Variants in CPA6 observed in about 807,000 individuals in gnomAD.
CPA6 encodes the protein carboxypeptidase B.
Under a neutral mutation model 63.3 loss-of-function variants are expected in CPA6, and 58 were observed. That is an observed-to-expected ratio of 0.92 (90% CI 0.74 to 1.14). The LOEUF (loss-of-function observed/expected upper bound fraction) is 1.14. CPA6 is among the 50% of genes most tolerant of loss of function. The pLI is 0.00. For missense variants in CPA6, 565 were observed against 526.6 expected (o/e 1.07, Z -0.71); for synonymous variants, 185 against 179.0 (o/e 1.03, Z -0.27).
chr8:67,619,797 A>G (rs573059178), intron 2 of CPA6, among the ~76,000 whole-genome samples: 1 of 152,264 alleles, frequency 6.6e-6, no homozygotes, highest in Non-Finnish European at 1.5e-5. Context: ...TCACTTCTCA[A>G]TCAATCTGTG....
intron 8 of CPA6, among the ~76,000 whole-genome samples, chr8:67,468,898 T>G (rs949089453): frequency 6.6e-6 from 1 of 152,188 alleles, no homozygotes; most frequent in Non-Finnish European, 1.5e-5. Flanking sequence ...ACATGCCACA[T>G]ATTTTCTTCA....
intron 6 of CPA6, among the ~76,000 whole-genome samples, chr8:67,489,765 G>A (rs907515799): frequency 1.3e-5 from 2 of 152,062 alleles, no homozygotes; most frequent in African/African-American, 4.8e-5. Flanking sequence ...TTTAACCACT[G>A]AGAATTGTGT....
chr8:67,502,876 G>A (rs1484560666), intron 6 of CPA6, among the ~76,000 whole-genome samples: 1 of 152,074 alleles, frequency 6.6e-6, no homozygotes, highest in African/African-American at 2.4e-5. Flanking sequence ...ACTTGTTGAG[G>A]TCTATGTTTT....
intron 1 of CPA6, among the ~76,000 whole-genome samples, chr8:67,686,455 G>A (rs762071487): frequency 6.6e-6 from 1 of 152,078 alleles, no homozygotes; most frequent in African/African-American, 2.4e-5. Context: ...ACATATATAC[G>A]CATAGCCAAA....
chr8:67,594,750 T>C (rs1160895916), intron 2 of CPA6, among the ~76,000 whole-genome samples: 11 of 152,218 alleles, frequency 7.2e-5, no homozygotes, highest in Admixed American at 7.2e-4. Context: ...TAAGCACTTC[T>C]CTATATTGGT....
chr8:67,516,715 A>T (rs1032363501), intron 3 of CPA6, among the ~76,000 whole-genome samples: 5 of 152,174 alleles, frequency 3.3e-5, no homozygotes, highest in Non-Finnish European at 7.3e-5. Flanking sequence ...TCACTGCAGC[A>T]CTTGGTACCC....
intron 2 of CPA6, among the ~76,000 whole-genome samples, chr8:67,571,661 G>A (rs750841345): frequency 6.6e-6 from 1 of 152,104 alleles, no homozygotes; most frequent in Non-Finnish European, 1.5e-5. Context: ...TGGAAACATA[G>A]CATACCAAAA....
chr8:67,632,181 TGTTTTCTC>T (rs1563369584), intron 1 of CPA6, among the ~76,000 whole-genome samples: 41 of 147,074 alleles, frequency 2.8e-4, no homozygotes, highest in African/African-American at 1.0e-3. Context: ...TGTGTGTGTG[TGTTTTCTC>T]AGAGACAGTC....
At chr8:67,648,187 C>T (rs1815754613) in intron 1 of CPA6, among the ~76,000 whole-genome samples, 1 of 150,798 alleles carries the variant, frequency 6.6e-6, no homozygotes, top group Admixed American at 6.6e-5. Flanking sequence ...TTATACTCTG[C>T]CTATGTACCG....
intron 2 of CPA6, among the ~76,000 whole-genome samples, chr8:67,603,516 A>G (rs754839112): frequency 2.0e-5 from 3 of 152,212 alleles, no homozygotes; most frequent in Non-Finnish European, 2.9e-5. Context: ...GGCTAAGTGG[A>G]ACTCATAGTC....
intron 8 of CPA6, among the ~76,000 whole-genome samples, chr8:67,465,518 A>G (rs192514049): frequency 6.6e-6 from 1 of 152,238 alleles, no homozygotes; most frequent in Admixed American, 6.5e-5. Context: ...TCTGGCTAGC[A>G]CTTCCAGTAC....
At chr8:67,564,412 GTTC>G (rs1184224930) in intron 2 of CPA6, among the ~76,000 whole-genome samples, 6 of 145,550 alleles carry the variant, frequency 4.1e-5, no homozygotes. Flanking sequence ...GATTAAAAGT[GTTC>G]TTTTTTTTTT....
intron 1 of CPA6, among the ~76,000 whole-genome samples, chr8:67,637,884 T>G (rs1285337532): frequency 2.0e-5 from 3 of 151,352 alleles, no homozygotes; most frequent in Non-Finnish European, 1.5e-5. Flanking sequence ...AGAGCATATG[T>G]AAGATTCACC....
At chr8:67,526,821 A>G (rs2128968169) in intron 2 of CPA6, among the ~76,000 whole-genome samples, 1 of 152,234 alleles carries the variant, frequency 6.6e-6, no homozygotes, top group South Asian at 2.1e-4. Context: ...AAGAGCCAAT[A>G]CCACCTTAGT....
intron 2 of CPA6, among the ~76,000 whole-genome samples, chr8:67,552,801 A>AAAG (rs71253013): frequency 6.9e-6 from 1 of 144,048 alleles, no homozygotes; most frequent in Non-Finnish European, 1.5e-5. Flanking sequence ...AAAAAAAAAA[A>AAAG]GAAAAGAAAA....
At chr8:67,535,363 C>T (rs1049849383) in intron 2 of CPA6, among the ~76,000 whole-genome samples, 3 of 152,180 alleles carry the variant, frequency 2.0e-5, no homozygotes, top group African/African-American at 7.2e-5. Flanking sequence ...TCCTCTCCAG[C>T]ATCTGTTGTT....
At chr8:67,473,582 T>G (rs1811110120) in intron 8 of CPA6, among the ~76,000 whole-genome samples, 1 of 152,158 alleles carries the variant, frequency 6.6e-6, no homozygotes, top group African/African-American at 2.4e-5. Flanking sequence ...GAATCCCCTA[T>G]GGCTAGTTTT....
At chr8:67,451,040 C>T (rs754394909) in intron 8 of CPA6, among the ~76,000 whole-genome samples, 11 of 152,144 alleles carry the variant, frequency 7.2e-5, no homozygotes, top group Non-Finnish European at 1.2e-4. Flanking sequence ...TACAGTTTCC[C>T]GTGACTTAGC....
intron 8 of CPA6, among the ~76,000 whole-genome samples, chr8:67,435,217 A>T (rs946059582): frequency 2.6e-5 from 4 of 152,196 alleles, no homozygotes; most frequent in African/African-American, 9.7e-5. Flanking sequence ...GAAATGGATC[A>T]GCACTTGAAT....
Sources: allele counts gnomAD v4.1 joint callset (sites outside exome capture counted in the v4.1 genomes callset), GRCh38; gene constraint gnomAD v4.1.1; transcripts MANE v1.5; gene names NCBI Gene and HGNC (gene_info 2026-07-23, HGNC 2026-07-21).